Variants in PDE7B observed in about 807,000 individuals in gnomAD.
PDE7B encodes the protein phosphodiesterase 7B, also known as 3',5'-cyclic-AMP phosphodiesterase 7B.
Under a neutral mutation model 56.2 loss-of-function variants are expected in PDE7B, and 29 were observed. The ratio of observed to expected loss-of-function variants is 0.52; its 90% CI spans 0.38 to 0.70. The LOEUF (loss-of-function observed/expected upper bound fraction) is 0.70, where lower values mean the gene tolerates loss of function less well. Ranked by LOEUF, PDE7B falls within the 30% of genes least tolerant of loss-of-function variation. PDE7B has a pLI of 0.00. For missense variants in PDE7B, 490 were observed against 565.0 expected (o/e 0.87, Z 1.35); for synonymous variants, 197 against 196.9 (o/e 1.00, Z 0.00).
Position 136,177,150 on chromosome 6 carries a change from T to C in PDE7B, c.804-1847T>C, listed in dbSNP as rs532374182. 1.4e-3 allele frequency among the ~76,000 whole-genome samples: 213 copies of C among 151,954 alleles called. 1 individual carries two copies. Among genetic ancestry groups the C allele is most frequent in the African/African-American group, 4.7e-3 (194 of 41,472 alleles). Reference sequence around the variant, plus strand: ...AACTAGCCATAAATAAAAAGATTTATAGATTAAGCTACATTAAAAATTAAG... The same window carrying C: ...AACTAGCCATAAATAAAAAGATTTACAGATTAAGCTACATTAAAAATTAAG... On this transcript the variant is annotated intron_variant, in intron 9 of 12. Coordinates refer to ENST00000308191, the MANE Select transcript of PDE7B (RefSeq NM_018945.4).
At chr6:135,985,172 G>C (rs905418352) in intron 2 of PDE7B, among the ~76,000 whole-genome samples, 1 of 152,136 alleles carries the variant, frequency 6.6e-6, no homozygotes, top group South Asian at 2.1e-4. Context: ...GGACTGTCAT[G>C]CTGCTGTGTT....
intron 1 of PDE7B, among the ~76,000 whole-genome samples, chr6:135,865,615 TTGTGTGTGTG>T (rs3037648): frequency 5.6e-5 from 8 of 142,372 alleles, no homozygotes; most frequent in Non-Finnish European, 1.1e-4. Context: ...GCACTAGGCA[TTGTGTGTGTG>T]TGTGTGTGTG....
chr6:136,131,607 C>T lies in PDE7B; in HGVS notation c.167-15744C>T, dbSNP rs368143156. On this transcript the variant is annotated intron_variant, in intron 3 of 12. Transcript: ENST00000308191. ...CTATGTACACAACAAAAATATTTGT[C>T]TTTTCCAAAGCTGGGGGCACTAACC... 1.1e-4 allele frequency among the ~76,000 whole-genome samples: 16 copies of T among 142,318 alleles called. No homozygotes were observed. In the East Asian group the frequency reaches 3.4e-3, roughly 31 times the overall value. The allele number at this position is 142,318 out of a possible 152,430, so 93.4% of individuals were successfully genotyped here.
chr6:136,097,516 C>T (rs1342963996), intron 2 of PDE7B, among the ~76,000 whole-genome samples: 5 of 152,120 alleles, frequency 3.3e-5, no homozygotes, highest in African/African-American at 1.2e-4. Flanking sequence ...CTTTTCTCAC[C>T]TGGACTCTTA....
chr6:136,151,139 G>C, intron 5 of PDE7B, 21 bp from the exon 6 acceptor site: 1 of 1,334,574 alleles, frequency 7.5e-7, no homozygotes, highest in Non-Finnish European at 1.1e-6. Flanking sequence ...TTAGTTAAAG[G>C]AAGTGACTGT....
At chr6:136,061,883 C>T (rs1776850893) in intron 2 of PDE7B, among the ~76,000 whole-genome samples, 1 of 152,206 alleles carries the variant, frequency 6.6e-6, no homozygotes, top group Non-Finnish European at 1.5e-5. Flanking sequence ...ACCTCTCAGA[C>T]CTCAGTCCTC....
At chr6:136,125,863 C>A (rs922983634) in intron 3 of PDE7B, among the ~76,000 whole-genome samples, 2 of 152,052 alleles carry the variant, frequency 1.3e-5, no homozygotes, top group African/African-American at 2.4e-5. Context: ...AGACTTCTAA[C>A]CCTCTCAGAC....
intron 1 of PDE7B, among the ~76,000 whole-genome samples, chr6:135,903,578 C>CT (rs1201294314): frequency 6.6e-6 from 1 of 152,168 alleles, no homozygotes; most frequent in Admixed American, 6.5e-5. Flanking sequence ...TAGTATTCTA[C>CT]TTTAGTCTGC....
intron 2 of PDE7B, among the ~76,000 whole-genome samples, chr6:135,950,399 G>A (rs1230831057): frequency 6.6e-6 from 1 of 152,060 alleles, no homozygotes; most frequent in African/African-American, 2.4e-5. Flanking sequence ...AAAGTATAAG[G>A]AGTCTCTGAT....
intron 8 of PDE7B, among the ~76,000 whole-genome samples, chr6:136,161,411 A>G (rs1778702470): frequency 1.3e-5 from 2 of 152,344 alleles, no homozygotes; most frequent in South Asian, 4.1e-4. Flanking sequence ...GGAATATTTA[A>G]TAGCTTCTCC....
At chr6:136,174,472 A>G (rs897022810) in intron 9 of PDE7B, among the ~76,000 whole-genome samples, 5 of 152,132 alleles carry the variant, frequency 3.3e-5, no homozygotes, top group Admixed American at 6.6e-5. Flanking sequence ...TAGCCATGGT[A>G]TGTAGGCTGA....
chr6:135,949,970 C>T (rs949956929), intron 2 of PDE7B, among the ~76,000 whole-genome samples: 18 of 152,050 alleles, frequency 1.2e-4, no homozygotes, highest in Non-Finnish European at 2.6e-4. Flanking sequence ...ATTGCTGCAA[C>T]TTTTAATTCA....
intron 1 of PDE7B, among the ~76,000 whole-genome samples, chr6:135,856,529 A>G (rs979506080): frequency 2.0e-5 from 3 of 152,222 alleles, no homozygotes; most frequent in Admixed American, 1.3e-4. Context: ...TCCATTGAGT[A>G]TCTGCTCTGA....
chr6:136,085,282 AAT>A (rs1777273579), intron 2 of PDE7B, among the ~76,000 whole-genome samples: 2 of 152,246 alleles, frequency 1.3e-5, no homozygotes, highest in Admixed American at 1.3e-4. Flanking sequence ...TGGGTCTACC[AAT>A]GTTTCCTGCC....
chr6:135,938,310 T>C (rs530568416), intron 1 of PDE7B, among the ~76,000 whole-genome samples: 44 of 152,332 alleles, frequency 2.9e-4, no homozygotes, highest in African/African-American at 9.4e-4. Context: ...GAAAACAAAG[T>C]GTGGCTAGGT....
chr6:135,952,132 G>A (rs1421406363), intron 2 of PDE7B, among the ~76,000 whole-genome samples: 1 of 152,102 alleles, frequency 6.6e-6, no homozygotes, highest in East Asian at 1.9e-4. Flanking sequence ...GAGAGAATGA[G>A]ATGTTCTATG....
At chr6:135,861,150 G>C (rs1227117599) in intron 1 of PDE7B, among the ~76,000 whole-genome samples, 2 of 151,824 alleles carry the variant, frequency 1.3e-5, no homozygotes, top group Non-Finnish European at 2.9e-5. Context: ...ATTGTATCCA[G>C]TTTTTAACAT....
intron 8 of PDE7B, chr6:136,162,451 A>ACCTCCCATCAGGCC (rs1778721798): frequency 6.6e-6 from 1 of 152,132 alleles, no homozygotes; most frequent in African/African-American, 2.4e-5. Flanking sequence ...TGATTCAGTT[A>ACCTCCCATCAGGCC]CCTCCCATCA....
intron 2 of PDE7B, among the ~76,000 whole-genome samples, chr6:136,081,725 C>T (rs1562488423): frequency 6.6e-6 from 1 of 152,208 alleles, no homozygotes; most frequent in Non-Finnish European, 1.5e-5. Flanking sequence ...GAGACCCTTT[C>T]AGTTATTTAG....
Sources: gnomAD v4.1 joint callset for allele counts (sites outside exome capture counted in the v4.1 genomes callset) on GRCh38, gnomAD v4.1.1 for gene constraint, MANE v1.5 for transcripts, NCBI Gene and HGNC (gene_info 2026-07-23, HGNC 2026-07-21) for gene names.